Variants in SGCZ observed in about 807,000 individuals in gnomAD.
SGCZ encodes zeta-sarcoglycan.
Under a neutral mutation model 41.3 loss-of-function variants are expected in SGCZ, and 40 were observed. That is an observed-to-expected ratio of 0.97 (90% CI 0.75 to 1.26). The LOEUF (loss-of-function observed/expected upper bound fraction) is 1.26, where lower values mean the gene tolerates loss of function less well. Ranked by LOEUF, SGCZ falls within the 50% of genes most tolerant of loss-of-function variation. The pLI is 0.00. For synonymous variants in SGCZ, 206 were observed against 137.5 expected (o/e 1.50, Z -3.49); for missense variants, 552 against 369.8 (o/e 1.49, Z -4.04).
intron 4 of SGCZ, among the ~76,000 whole-genome samples, chr8:14,209,734 T>C (rs1475167401): frequency 1.3e-5 from 2 of 152,186 alleles, no homozygotes. Context: ...ACTGGATATG[T>C]ATATATCAAA....
rs79144591 is a variant in SGCZ at position 14,255,020 on chromosome 8, C to A, written c.337-17341G>T. Among the ~76,000 whole-genome samples the A allele has an allele frequency of 4.3e-3, 654 of 152,234 alleles. 7 individuals are homozygous for A. Among genetic ancestry groups the A allele is most frequent in the African/African-American group, 0.015 (632 of 41,518 alleles). On this transcript the variant is annotated intron_variant, in intron 3 of 7. Transcript: ENST00000382080. Reference sequence around the variant, plus strand: ...TTCTCCAGTTTGGCTGCTTTTGCTGCCTCTTCCAATGGGCATGGAGGTGGG... The same window carrying A: ...TTCTCCAGTTTGGCTGCTTTTGCTGACTCTTCCAATGGGCATGGAGGTGGG...
intron 5 of SGCZ, among the ~76,000 whole-genome samples, chr8:14,136,896 A>G (rs920971218): frequency 2.0e-5 from 3 of 152,186 alleles, no homozygotes; most frequent in African/African-American, 7.2e-5. Context: ...AACACTTCCC[A>G]GAAGGGCCGA....
intron 1 of SGCZ, among the ~76,000 whole-genome samples, chr8:15,000,728 G>C (rs1041959290): frequency 6.6e-6 from 1 of 152,112 alleles, no homozygotes; most frequent in Non-Finnish European, 1.5e-5. Context: ...CAATATACCC[G>C]ATGGAAACAA....
chr8:15,115,659 T>A (rs1807241897), intron 1 of SGCZ, among the ~76,000 whole-genome samples: 1 of 152,200 alleles, frequency 6.6e-6, no homozygotes, highest in Non-Finnish European at 1.5e-5. Flanking sequence ...AATGTTAGTA[T>A]GCAGAGAAAA....
chr8:15,200,519 G>A (rs1051427185), intron 1 of SGCZ, among the ~76,000 whole-genome samples: 1 of 152,106 alleles, frequency 6.6e-6, no homozygotes, highest in African/African-American at 2.4e-5. Context: ...GGGGTACCAT[G>A]GATAGCCTAA....
Position 14,760,816 on chromosome 8 carries a change from T to G in SGCZ, c.40-205890A>C, listed in dbSNP as rs138696776. Reference sequence around the variant, plus strand: ...CCCTACTTATACTAAAAAGTTTATTTGTTGTTCATTTGAAATTCTAAATTA... The same window carrying G: ...CCCTACTTATACTAAAAAGTTTATTGGTTGTTCATTTGAAATTCTAAATTA... On this transcript the variant is annotated intron_variant, in intron 1 of 7. Coordinates refer to ENST00000382080, the MANE Select transcript of SGCZ (RefSeq NM_139167.4). Among the ~76,000 whole-genome samples, 1,320 of 152,352 alleles carry G rather than the reference T, an allele frequency of 8.7e-3. 9 individuals are homozygous for G. The highest frequency in any genetic ancestry group is 0.024 in the Middle Eastern group (7 of 294).
chr8:14,100,093 ATATATT>A (rs1458767930), intron 7 of SGCZ, among the ~76,000 whole-genome samples: 1 of 152,100 alleles, frequency 6.6e-6, no homozygotes, highest in Admixed American at 6.6e-5. Context: ...AGCAAAATAT[ATATATT>A]TATATGATTT....
At chr8:14,294,467 T>C (rs1400543781) in intron 3 of SGCZ, among the ~76,000 whole-genome samples, 1 of 151,746 alleles carries the variant, frequency 6.6e-6, no homozygotes, top group African/African-American at 2.4e-5. Context: ...TAGAAGAAAA[T>C]ATATAAAAAC....
chr8:14,360,626 G>GT (rs1803476724), intron 2 of SGCZ, among the ~76,000 whole-genome samples: 1 of 151,694 alleles, frequency 6.6e-6, no homozygotes, highest in African/African-American at 2.4e-5. Context: ...GCGCCTGGCT[G>GT]TTTATTTATT....
chr8:14,578,041 C>A (rs979157085), intron 1 of SGCZ, among the ~76,000 whole-genome samples: 1 of 152,182 alleles, frequency 6.6e-6, no homozygotes, highest in African/African-American at 2.4e-5. Context: ...CGGACTTTCA[C>A]AATCCTTGTG....
intron 1 of SGCZ, among the ~76,000 whole-genome samples, chr8:14,769,198 G>A (rs1172858127): frequency 6.6e-6 from 1 of 151,956 alleles, no homozygotes; most frequent in Non-Finnish European, 1.5e-5. Flanking sequence ...AAATAATGAT[G>A]GTAATGATAA....
At chr8:14,738,859 G>C (rs1425808438) in intron 1 of SGCZ, among the ~76,000 whole-genome samples, 2 of 152,006 alleles carry the variant, frequency 1.3e-5, no homozygotes, top group African/African-American at 4.8e-5. Flanking sequence ...AGTGGAAATT[G>C]GAACAGCCTG....
At chr8:14,316,618 T>A (rs979304477) in intron 3 of SGCZ, among the ~76,000 whole-genome samples, 2 of 151,980 alleles carry the variant, frequency 1.3e-5, no homozygotes, top group African/African-American at 4.8e-5. Flanking sequence ...ACCTTTCTTC[T>A]CTCTTTCCAG....
intron 4 of SGCZ, among the ~76,000 whole-genome samples, chr8:14,177,958 C>CTTTTCTCTTTTTTTCT (rs767919994): frequency 1.1e-5 from 1 of 95,056 alleles, no homozygotes; most frequent in South Asian, 3.6e-4. Context: ...CTTTTTTTTT[C>CTTTTCTCTTTTTTTCT]TTTTTTTTTT....
chr8:15,135,997 G>T (rs993462729), intron 1 of SGCZ, among the ~76,000 whole-genome samples: 1 of 152,162 alleles, frequency 6.6e-6, no homozygotes, highest in East Asian at 1.9e-4. Flanking sequence ...GTAACTTTCA[G>T]GTTATCGGGT....
intron 2 of SGCZ, among the ~76,000 whole-genome samples, chr8:14,376,327 A>G (rs898561649): frequency 6.0e-5 from 9 of 150,706 alleles, no homozygotes; most frequent in Non-Finnish European, 1.2e-4. Flanking sequence ...ATAAAATAAA[A>G]TAAAAAATAA....
At chr8:14,190,164 C>T (rs1805049756) in intron 4 of SGCZ, among the ~76,000 whole-genome samples, 1 of 151,730 alleles carries the variant, frequency 6.6e-6, no homozygotes, top group South Asian at 2.1e-4. Flanking sequence ...AGGCGCCCGC[C>T]ACCACGCCCG....
chr8:14,349,600 G>A (rs906491506), intron 2 of SGCZ, among the ~76,000 whole-genome samples: 2 of 152,058 alleles, frequency 1.3e-5, no homozygotes, highest in Non-Finnish European at 2.9e-5. Flanking sequence ...GATCCTAGTG[G>A]AGGACAGATT....
At chr8:15,090,819 G>A (rs1000540741) in intron 1 of SGCZ, among the ~76,000 whole-genome samples, 1 of 152,182 alleles carries the variant, frequency 6.6e-6, no homozygotes, top group Non-Finnish European at 1.5e-5. Flanking sequence ...AATCTCAAGA[G>A]TGAAAGGTTG....
Sources: gnomAD v4.1 joint callset for allele counts (sites outside exome capture counted in the v4.1 genomes callset) on GRCh38, gnomAD v4.1.1 for gene constraint, MANE v1.5 for transcripts, NCBI Gene and HGNC (gene_info 2026-07-23, HGNC 2026-07-21) for gene names.